The following BTBD10 variants were observed in gnomAD, a reference collection of about 807,000 sequenced individuals.
The protein encoded by BTBD10 is BTB domain containing 10.
BTBD10 carries 21 observed loss-of-function variants against 53.2 expected under a neutral mutation model. That is an observed-to-expected ratio of 0.39 (90% confidence interval 0.28 to 0.57). The LOEUF is 0.57. BTBD10 is among the 20% of genes least tolerant of loss of function. BTBD10 has a pLI of 0.53. For synonymous variants in BTBD10, 149 were observed against 192.7 expected (o/e 0.77, Z 1.88); for missense variants, 360 against 594.7 (o/e 0.61, Z 4.10).
chr11:13,459,689 A>T (rs1951051296), intron 1 of BTBD10: 1 of 152,202 alleles, frequency 6.6e-6, no homozygotes, highest in South Asian at 2.1e-4. Flanking sequence ...TAGGCATTCC[A>T]TTTCCTTCTC....
At chr11:13,412,017 G>A (rs1317301389) in intron 6 of BTBD10, among the ~76,000 whole-genome samples, 1 of 152,078 alleles carries the variant, frequency 6.6e-6, no homozygotes, top group Non-Finnish European at 1.5e-5. Flanking sequence ...TTTTAGTAGA[G>A]AAGAGGTTTC....
intron 8 of BTBD10, among the ~76,000 whole-genome samples, chr11:13,395,652 T>C (rs993674622): frequency 1.3e-5 from 2 of 152,206 alleles, no homozygotes; most frequent in African/African-American, 4.8e-5. Context: ...GGTTTTCTTC[T>C]AGGGTTTTTA....
rs202219514 is a variant in BTBD10 at position 13,405,682 on chromosome 11, T to C, written c.983A>G (p.Gln328Arg). ...ACTTTGTGAATATTCTTCTCCCATC[T>C]GTGGTGGATATTCTTCATCCCAATC... Reference protein sequence around the residue: ...VVDWDEEYPPQMGEEYSQIIY... With the variant: ...VVDWDEEYPPRMGEEYSQIIY... Residue 328 changes from glutamine to arginine, a missense_variant, in exon 7 of 9, where the codon CAG becomes CGG. Coordinates refer to ENST00000278174, the MANE Select transcript of BTBD10 (RefSeq NM_032320.7). 7.7e-5 allele frequency: 124 copies of C among 1,613,562 alleles called. No homozygotes were observed. The highest frequency in any genetic ancestry group is 1.0e-4 in the Non-Finnish European group (119 of 1,179,632).
At chr11:13,390,777 T>C (rs973377721) in intron 8 of BTBD10, among the ~76,000 whole-genome samples, 1 of 152,218 alleles carries the variant, frequency 6.6e-6, no homozygotes, top group Non-Finnish European at 1.5e-5. Flanking sequence ...GATTACTGCA[T>C]AAGGGAATGC....
intron 8 of BTBD10, among the ~76,000 whole-genome samples, chr11:13,399,994 A>C (rs191287895): frequency 1.3e-5 from 2 of 152,352 alleles, no homozygotes; most frequent in African/African-American, 2.4e-5. Context: ...CTCGGGGCTC[A>C]GGGACCCACT....
At chr11:13,417,489 C>T (rs761268854) in intron 4 of BTBD10, among the ~76,000 whole-genome samples, 47 of 151,814 alleles carry the variant, frequency 3.1e-4, no homozygotes, top group Admixed American at 7.2e-4. Context: ...ATAAAATAAA[C>T]GACAAAATTC....
chr11:13,390,222 T>C (rs1311687837), intron 8 of BTBD10, among the ~76,000 whole-genome samples: 1 of 152,236 alleles, frequency 6.6e-6, no homozygotes, highest in African/African-American at 2.4e-5. Flanking sequence ...ACATTTTCTG[T>C]AAAGGTCCAG....
intron 6 of BTBD10, among the ~76,000 whole-genome samples, chr11:13,410,773 T>C (rs1949925460): frequency 6.6e-6 from 1 of 152,160 alleles, no homozygotes; most frequent in African/African-American, 2.4e-5. Flanking sequence ...CTTAGAAAAG[T>C]TAAACATATT....
chr11:13,423,696 A>G (rs1252688923), intron 2 of BTBD10, among the ~76,000 whole-genome samples: 1 of 152,180 alleles, frequency 6.6e-6, no homozygotes, highest in Non-Finnish European at 1.5e-5. Flanking sequence ...TCTCCGGGTC[A>G]TCTCTTTGGT....
chr11:13,415,087 T>C (rs1439938294), intron 5 of BTBD10, among the ~76,000 whole-genome samples: 2 of 149,866 alleles, frequency 1.3e-5, no homozygotes, highest in South Asian at 4.3e-4. Context: ...GCACAAACGG[T>C]CACAAACTAT....
chr11:13,459,059 T>A (rs900117619), intron 1 of BTBD10, among the ~76,000 whole-genome samples: 54 of 79,278 alleles, frequency 6.8e-4, no homozygotes, highest in African/African-American at 3.6e-3. Flanking sequence ...TATTTATTTA[T>A]TTTTTTTTTT....
rs902842112 is a variant in BTBD10 at position 13,421,747 on chromosome 11, G to A, written c.193C>T (p.Arg65Ter). The change falls in exon 3 of 9, where the codon CGA (arginine) becomes TGA (stop). Residue 65 changes from arginine (R) to a stop codon, truncating the protein, a stop_gained. Transcript: ENST00000278174. LOFTEE classifies it high-confidence loss of function. The part of the protein sequence containing the change: ...SGGHERSRDR[R>*]RSSDRSRDSS... ...TCTCGTGATCTGTCACTTGACCTTC[G>A]TCTATCTCTTGATCTCTCATGTCCC... 1.9e-6 allele frequency: 3 copies of A among 1,613,956 alleles called. No homozygotes were observed. Among genetic ancestry groups the A allele is most frequent in the Non-Finnish European group, 2.5e-6 (3 of 1,179,922 alleles).
intron 2 of BTBD10, among the ~76,000 whole-genome samples, chr11:13,442,631 A>C (rs1028270469): frequency 1.3e-5 from 2 of 152,266 alleles, no homozygotes; most frequent in Middle Eastern, 3.4e-3. Flanking sequence ...TCAAGCTGAT[A>C]ATTATTCTTT....
intron 4 of BTBD10, among the ~76,000 whole-genome samples, chr11:13,417,896 G>T (rs1279871844): frequency 1.3e-5 from 2 of 152,124 alleles, no homozygotes; most frequent in African/African-American, 4.8e-5. Flanking sequence ...AAGCTCTTAT[G>T]TAAGAAAATA....
At chr11:13,398,874 A>T (rs1444101846) in intron 8 of BTBD10, among the ~76,000 whole-genome samples, 2 of 152,000 alleles carry the variant, frequency 1.3e-5, no homozygotes, top group East Asian at 3.9e-4. Context: ...ATTGGCCCCC[A>T]CTCTCTTCTG....
intron 7 of BTBD10, 42 bp from the exon 8 acceptor site, chr11:13,403,320 G>T: frequency 8.9e-7 from 1 of 1,119,328 alleles, no homozygotes; most frequent in Non-Finnish European, 1.3e-6. Flanking sequence ...AAAATTAAAG[G>T]ATTTAGAGAT....
intron 1 of BTBD10, chr11:13,459,539 T>C (rs1165038905): frequency 1.3e-5 from 2 of 152,194 alleles, no homozygotes; most frequent in Non-Finnish European, 2.9e-5. Flanking sequence ...CATCTGTATC[T>C]TCCTGACCCG....
chr11:13,420,636 T>C (rs1950225389), intron 3 of BTBD10, among the ~76,000 whole-genome samples: 1 of 152,148 alleles, frequency 6.6e-6, no homozygotes, highest in Non-Finnish European at 1.5e-5. Flanking sequence ...CAAATTCCTC[T>C]ATGACTCAAA....
chr11:13,424,720 A>T (rs1245259142), intron 2 of BTBD10, among the ~76,000 whole-genome samples: 1 of 152,204 alleles, frequency 6.6e-6, no homozygotes, highest in Non-Finnish European at 1.5e-5. Context: ...GGCTGAGTTC[A>T]TACTCTTGTC....
Sources: gnomAD v4.1 joint callset for allele counts (sites outside exome capture counted in the v4.1 genomes callset) on GRCh38, gnomAD v4.1.1 for gene constraint, MANE v1.5 for transcripts, NCBI Gene and HGNC (gene_info 2026-07-23, HGNC 2026-07-21) for gene names.